Variants in MAPK10 observed in about 807,000 individuals in gnomAD.
MAPK10 encodes the protein JNK3 alpha protein kinase.
In MAPK10, 25 loss-of-function variants were observed where a neutral mutation model predicts 59.3. The observed-to-expected ratio is 0.42, with a 90% confidence interval of 0.31 to 0.59. The LOEUF (loss-of-function observed/expected upper bound fraction) is 0.59. Among genes scored for constraint, MAPK10 ranks in the 20% least tolerant of loss-of-function variants. MAPK10 has a pLI of 0.15. For synonymous variants in MAPK10, 190 were observed against 200.5 expected, an observed-to-expected ratio of 0.95 and a Z score of 0.44; for missense variants, 351 against 568.9, an observed-to-expected ratio of 0.62 and a Z score of 3.90.
chr4:86,112,726 GGTC>G (rs1237645918), intron 4 of MAPK10, among the ~76,000 whole-genome samples: 2 of 152,012 alleles, frequency 1.3e-5, no homozygotes, highest in Non-Finnish European at 2.9e-5. Context: ...ATATCTATCA[GGTC>G]CACTTGATCC....
At chr4:86,018,089 G>T (rs1264156207) in intron 13 of MAPK10, among the ~76,000 whole-genome samples, 1 of 152,180 alleles carries the variant, frequency 6.6e-6, no homozygotes, top group Non-Finnish European at 1.5e-5. Flanking sequence ...TCTGGCTTAT[G>T]CAGGAGACAA....
intron 2 of MAPK10, among the ~76,000 whole-genome samples, chr4:86,206,282 G>A (rs2083934414): frequency 6.6e-6 from 1 of 151,656 alleles, no homozygotes; most frequent in Non-Finnish European, 1.5e-5. Context: ...ACCTATGAGT[G>A]AGAATATGCG....
At chr4:86,048,490 T>C (rs938638683) in intron 11 of MAPK10, among the ~76,000 whole-genome samples, 26 of 152,170 alleles carry the variant, frequency 1.7e-4, no homozygotes, top group African/African-American at 4.3e-4. Flanking sequence ...GAAAAACACA[T>C]CGAACACAGA....
At chr4:86,264,887 A>ACTTTT (rs2094161683) in intron 2 of MAPK10, among the ~76,000 whole-genome samples, 1 of 101,294 alleles carries the variant, frequency 9.9e-6, no homozygotes, top group African/African-American at 3.7e-5. Flanking sequence ...ATGGCCCTGG[A>ACTTTT]CTTTTTTTTT....
At chr4:86,579,764 A>T (rs549982816) in intron 1 of MAPK10, among the ~76,000 whole-genome samples, 1 of 152,286 alleles carries the variant, frequency 6.6e-6, no homozygotes, top group Non-Finnish European at 1.5e-5. Flanking sequence ...CACTTCTCAG[A>T]TACACTAAAA....
intron 3 of MAPK10, 27 bp from the exon 4 acceptor site, chr4:86,159,494 A>G (rs372682160): frequency 6.3e-7 from 1 of 1,599,182 alleles, no homozygotes; most frequent in Non-Finnish European, 8.5e-7. Flanking sequence ...CAGCAAAAAC[A>G]TGAGGCAAGT....
intron 1 of MAPK10, among the ~76,000 whole-genome samples, chr4:86,375,137 A>G (rs1578970139): frequency 6.6e-6 from 1 of 152,232 alleles, no homozygotes; most frequent in African/African-American, 2.4e-5. Flanking sequence ...CTTGGAAAAA[A>G]GAGATTATTT....
intron 1 of MAPK10, among the ~76,000 whole-genome samples, chr4:86,527,915 C>T (rs984790427): frequency 6.6e-6 from 1 of 152,160 alleles, no homozygotes; most frequent in Non-Finnish European, 1.5e-5. Flanking sequence ...AAATCAAATA[C>T]CATATGTTTT....
At chr4:86,290,005 G>A (rs922841602) in intron 2 of MAPK10, among the ~76,000 whole-genome samples, 1 of 152,126 alleles carries the variant, frequency 6.6e-6, no homozygotes, top group African/African-American at 2.4e-5. Flanking sequence ...TTTGAGATGA[G>A]TATTTGACTG....
At chr4:86,474,151 G>C (rs1169113705) in intron 1 of MAPK10, among the ~76,000 whole-genome samples, 1 of 152,096 alleles carries the variant, frequency 6.6e-6, no homozygotes, top group African/African-American at 2.4e-5. Flanking sequence ...CAGGGTTTCA[G>C]TTTTATTCAT....
At chr4:86,530,515 G>T (rs1341303384) in intron 1 of MAPK10, among the ~76,000 whole-genome samples, 1 of 152,142 alleles carries the variant, frequency 6.6e-6, no homozygotes, top group Non-Finnish European at 1.5e-5. Context: ...CATAAACTGG[G>T]TGGCTTAAAA....
In MAPK10 at chr4:86,340,023, C is replaced by T. The variant is rs190062782; in HGVS notation, c.-7+14507G>A. On this transcript the variant is annotated intron_variant, in intron 2 of 13. Transcript: ENST00000641462. ...ATGATAGAGTTAGAACTAAAGCCTA[C>T]CAATCTACTCCAGAATCAAGCTCTT... Among the ~76,000 whole-genome samples, 96 of 152,280 alleles carry T rather than the reference C, an allele frequency of 6.3e-4. 1 individual carries two copies. Among genetic ancestry groups the T allele is most frequent in the African/African-American group, 2.2e-3 (93 of 41,562 alleles).
At chr4:86,174,954 C>T (rs10516768) in intron 3 of MAPK10, among the ~76,000 whole-genome samples, 12,876 of 151,902 alleles carry the variant, frequency 0.085, 1,208 homozygotes, top group African/African-American at 0.23. Context: ...AGTTATGGGC[C>T]TCATTATCAC....
chr4:86,137,447 C>T lies in MAPK10; in HGVS notation c.236+21851G>A, dbSNP rs531000573. On this transcript the variant is annotated intron_variant, in intron 4 of 13. Transcript: ENST00000641462. The stretch of plus-strand genomic sequence containing the variant: ...TCCTGAATGACTACTGGGTACATAA[C>T]GAAATGAAGGCAGAAATAAAGATGT... Among the ~76,000 whole-genome samples, 531 of 134,744 alleles carry T rather than the reference C, an allele frequency of 3.9e-3. 1 individual carries two copies. Among genetic ancestry groups the T allele is most frequent in the Admixed American group, 0.016 (216 of 13,402 alleles). 88.4% of individuals were successfully genotyped at this position (134,744 alleles called of 152,430 possible). A position where few individuals can be genotyped will look rare whatever the true frequency, so the allele number is the denominator to read the frequency against.
At chr4:86,350,208 T>C (rs1263239143) in intron 2 of MAPK10, among the ~76,000 whole-genome samples, 1 of 151,518 alleles carries the variant, frequency 6.6e-6, no homozygotes, top group African/African-American at 2.4e-5. Flanking sequence ...CCCACCACCA[T>C]GTCCAGATAA....
At chr4:86,591,355 CAT>C (rs1179880591) in intron 1 of MAPK10, among the ~76,000 whole-genome samples, 4 of 151,916 alleles carry the variant, frequency 2.6e-5, no homozygotes, top group African/African-American at 7.3e-5. Context: ...TCTTGATTTT[CAT>C]ATGTTTTTTT....
At chr4:86,071,356 G>A (rs2047916772) in intron 9 of MAPK10, among the ~76,000 whole-genome samples, 1 of 121,916 alleles carries the variant, frequency 8.2e-6, no homozygotes, top group South Asian at 2.4e-4. Context: ...TGTTCACTCT[G>A]ATGGTAGTTT....
intron 1 of MAPK10, among the ~76,000 whole-genome samples, chr4:86,546,941 A>C (rs1759231394): frequency 6.6e-6 from 1 of 152,112 alleles, no homozygotes; most frequent in African/African-American, 2.4e-5. Flanking sequence ...CTGTAGTCCC[A>C]GTTACTCGGG....
chr4:86,072,369 T>C (rs992784813), intron 9 of MAPK10, among the ~76,000 whole-genome samples: 5 of 151,906 alleles, frequency 3.3e-5, no homozygotes, highest in South Asian at 2.1e-4. Flanking sequence ...CTGTTCCTAA[T>C]TGAATACCGT....
Sources: gnomAD v4.1 joint callset for allele counts (sites outside exome capture counted in the v4.1 genomes callset) on GRCh38, gnomAD v4.1.1 for gene constraint, MANE v1.5 for transcripts, NCBI Gene and HGNC (gene_info 2026-07-23, HGNC 2026-07-21) for gene names.